Variants in GPC3 observed in about 807,000 individuals in gnomAD.
GPC3 encodes the protein glypican 3.
GPC3 carries 3 observed loss-of-function variants against 34.4 expected under a neutral mutation model. That is an observed-to-expected ratio of 0.09 (90% CI 0.04 to 0.23). The LOEUF is 0.23. Ranked by LOEUF, GPC3 falls within the 10% of genes least tolerant of loss-of-function variation. GPC3 has a pLI of 1.00. For missense variants in GPC3, 351 were observed against 445.6 expected (o/e 0.79, Z 1.91); for synonymous variants, 177 against 174.0 (o/e 1.02, Z -0.13).
intron 6 of GPC3, among the ~76,000 whole-genome samples, chrX:133,650,302 G>A (rs1266132722): frequency 9.0e-6 from 1 of 110,530 alleles, no homozygotes; most frequent in East Asian, 2.8e-4. Flanking sequence ...GTCCTGGTGG[G>A]GCTGAAGATT....
At chrX:133,603,215 A>T (rs1181509482) in intron 6 of GPC3, among the ~76,000 whole-genome samples, 9 of 109,080 alleles carry the variant, frequency 8.3e-5, no homozygotes, top group Non-Finnish European at 1.7e-4. Context: ...TGAATCTGGG[A>T]TGGGGCACAC....
chrX:133,578,478 C>T (rs781209891), intron 7 of GPC3, among the ~76,000 whole-genome samples: 2 of 111,625 alleles, frequency 1.8e-5, no homozygotes, highest in Non-Finnish European at 3.8e-5. Flanking sequence ...CGTTTGAGCC[C>T]AGGAGTTTAA....
intron 2 of GPC3, among the ~76,000 whole-genome samples, chrX:133,867,733 G>A (rs764492683): frequency 1.1e-4 from 12 of 107,708 alleles, no homozygotes; most frequent in Admixed American, 5.0e-4. Context: ...GCATACCCCC[G>A]TCTTGTACCC....
At chrX:133,768,939 C>CAA (rs200909452) in intron 2 of GPC3, among the ~76,000 whole-genome samples, 1 of 102,105 alleles carries the variant, frequency 9.8e-6, no homozygotes, top group Admixed American at 1.1e-4. Context: ...GACACTGTCT[C>CAA]AAAAAAAAAC....
Position 133,617,263 on chromosome X carries a change from T to C in GPC3, c.1414-20664A>G, listed in dbSNP as rs773763767. Reference sequence around the variant, plus strand: ...CAGCCATTTCTTTTTCTAATTCTATTGTCTCATTTCCTTCTAAACATGATT... The same window carrying C: ...CAGCCATTTCTTTTTCTAATTCTATCGTCTCATTTCCTTCTAAACATGATT... On this transcript the variant is annotated intron_variant, in intron 6 of 7. Coordinates refer to ENST00000370818, the MANE Select transcript of GPC3 (RefSeq NM_004484.4). 6.3e-5 allele frequency among the ~76,000 whole-genome samples: 7 copies of C among 111,782 alleles called. No homozygotes were observed. The East Asian group carries it at 1.7e-3, about 27-fold the overall frequency.
At chrX:133,919,835 C>T (rs1603272622) in intron 2 of GPC3, among the ~76,000 whole-genome samples, 2 of 103,436 alleles carry the variant, frequency 1.9e-5, no homozygotes, top group Admixed American at 2.1e-4. Context: ...GAGCAAGATC[C>T]TGTCTCAAAA....
intron 2 of GPC3, among the ~76,000 whole-genome samples, chrX:133,867,050 T>C (rs2075971303): frequency 9.1e-6 from 1 of 109,622 alleles, no homozygotes; most frequent in Non-Finnish European, 1.9e-5. Context: ...ATACAAAAAT[T>C]AGCTGGGCAT....
intron 6 of GPC3, among the ~76,000 whole-genome samples, chrX:133,604,501 A>T (rs1241703277): frequency 9.0e-6 from 1 of 111,331 alleles, no homozygotes; most frequent in African/African-American, 3.3e-5. Context: ...AAATAACCAA[A>T]CTATCTCATC....
chrX:133,757,403 G>A (rs866892999), intron 2 of GPC3, among the ~76,000 whole-genome samples: 4 of 111,116 alleles, frequency 3.6e-5, no homozygotes, highest in Non-Finnish European at 7.5e-5. Flanking sequence ...TACAATCAGG[G>A]TATTACCTCT....
chrX:133,582,912 T>C (rs2069747110), intron 7 of GPC3, among the ~76,000 whole-genome samples: 1 of 111,110 alleles, frequency 9.0e-6, no homozygotes, highest in Non-Finnish European at 1.9e-5. Flanking sequence ...GGTTTGCTTT[T>C]CTAACATGGG....
chrX:133,949,601 A>C (rs1291046228), intron 2 of GPC3, among the ~76,000 whole-genome samples: 3 of 112,170 alleles, frequency 2.7e-5, no homozygotes, highest in Non-Finnish European at 3.8e-5. Flanking sequence ...AAAAGAGTCT[A>C]TTATCACTCA....
chrX:133,771,039 A>C lies in GPC3; in HGVS notation c.338-16863T>G, dbSNP rs755674440. Among the ~76,000 whole-genome samples, 3 of 111,590 alleles carry C rather than the reference A, an allele frequency of 2.7e-5. No individual in the cohort carries two copies. The South Asian group carries it at 1.2e-3, about 44-fold the overall frequency. ...CTATGAGGGCTCAATCCATCTGTGG[A>C]AAAGGAAATCCAGCTGTTGGCCAGG... On this transcript the variant is annotated intron_variant, in intron 2 of 7. Transcript: ENST00000370818.
rs777275070 is a variant in GPC3 at position 133,542,965 on chromosome X, C to T, written c.1574-6672G>A. 6.3e-5 allele frequency among the ~76,000 whole-genome samples: 7 copies of T among 111,986 alleles called. No homozygotes were observed. In the East Asian group the frequency reaches 2.0e-3, roughly 32 times the overall value. On this transcript the variant is annotated intron_variant, in intron 7 of 7. Transcript: ENST00000370818. ...AACTTTTAGATGTGAAATGACTAGA[C>T]TTTAAAGCAGAAGAAAATGACTTTT... is the stretch of plus-strand genomic sequence containing the variant.
intron 6 of GPC3, among the ~76,000 whole-genome samples, chrX:133,645,018 T>G (rs999190961): frequency 3.6e-5 from 4 of 111,817 alleles, no homozygotes; most frequent in Non-Finnish European, 7.5e-5. Flanking sequence ...TGACCTCAAG[T>G]GATCCACCCG....
intron 2 of GPC3, among the ~76,000 whole-genome samples, chrX:133,836,619 C>A (rs2075800515): frequency 1.8e-5 from 2 of 112,031 alleles, no homozygotes; most frequent in African/African-American, 6.5e-5. Context: ...AACTTTGTAA[C>A]CATTGGCCCC....
intron 1 of GPC3, among the ~76,000 whole-genome samples, chrX:133,962,670 C>T (rs191756201): frequency 3.6e-5 from 4 of 111,714 alleles, no homozygotes; most frequent in Non-Finnish European, 7.5e-5. Flanking sequence ...TTTCCTGCCT[C>T]CCCTAGTCAC....
At chrX:133,677,542 T>C (rs2070896770) in intron 5 of GPC3, among the ~76,000 whole-genome samples, 1 of 112,393 alleles carries the variant, frequency 8.9e-6, no homozygotes, top group South Asian at 3.7e-4. Flanking sequence ...ACAGTAGAGC[T>C]AGGACTCAGG....
At chrX:133,954,421 C>G (rs967175499) in intron 1 of GPC3, among the ~76,000 whole-genome samples, 2 of 111,942 alleles carry the variant, frequency 1.8e-5, no homozygotes, top group African/African-American at 6.5e-5. Context: ...ATTGCCCAGG[C>G]TGGAGTGCAG....
intron 1 of GPC3, among the ~76,000 whole-genome samples, chrX:133,962,525 T>C (rs1435408621): frequency 1.8e-5 from 2 of 111,688 alleles, no homozygotes; most frequent in African/African-American, 6.5e-5. Context: ...TACACGCACA[T>C]CATTGATTAT....
Sources: allele counts gnomAD v4.1 joint callset (sites outside exome capture counted in the v4.1 genomes callset), GRCh38; gene constraint gnomAD v4.1.1; transcripts MANE v1.5; gene names NCBI Gene and HGNC (gene_info 2026-07-23, HGNC 2026-07-21).